The following CTCF variants were observed in gnomAD, a reference collection of about 807,000 sequenced individuals.
CTCF encodes CCCTC-binding factor.
In CTCF, 7 loss-of-function variants were observed where a neutral mutation model predicts 72.3. That is an observed-to-expected ratio of 0.10 (90% confidence interval 0.06 to 0.18). The LOEUF (loss-of-function observed/expected upper bound fraction) is 0.18. Ranked by LOEUF, CTCF falls within the 10% of genes least tolerant of loss-of-function variation. The pLI, the probability that CTCF is intolerant of heterozygous loss-of-function variation, is 1.00. For synonymous variants in CTCF, 374 were observed against 315.8 expected (o/e 1.18, Z -1.95); for missense variants, 516 against 949.1 (o/e 0.54, Z 6.00).
At chr16:67,621,412 T>A (rs1264066930) in intron 6 of CTCF, 30 bp from the exon 7 acceptor site, 1 of 1,502,670 alleles carries the variant, frequency 6.7e-7, no homozygotes, top group African/African-American at 1.4e-5. Flanking sequence ...TTCATTTCAT[T>A]TATGTGTTCA....
At chr16:67,583,928 T>G (rs562954556) in intron 2 of CTCF, among the ~76,000 whole-genome samples, 8 of 152,180 alleles carry the variant, frequency 5.3e-5, no homozygotes, top group Non-Finnish European at 1.2e-4. Context: ...TAGAGTGGTG[T>G]GCATTAGCGA....
chr16:67,606,057 G>C (rs1314997949), intron 2 of CTCF, among the ~76,000 whole-genome samples: 1 of 152,166 alleles, frequency 6.6e-6, no homozygotes, highest in Admixed American at 6.6e-5. Flanking sequence ...TTACTTCTCT[G>C]CCCAGAAAGC....
Position 67,628,236 on chromosome 16 carries a change from T to C in CTCF, c.1519-134T>C, listed in dbSNP as rs2052317301. On this transcript the variant is annotated intron_variant, in intron 8 of 11. Coordinates refer to ENST00000264010, the MANE Select transcript of CTCF (RefSeq NM_006565.4). ...CCCTGTCTCTAAATATATAGCTTTA[T>C]CATCTCAACAAGCCGTGTGGAGTCT... 6 of 719,918 alleles carry C rather than the reference T, an allele frequency of 8.3e-6. No homozygotes were observed. In the South Asian group the frequency reaches 9.5e-5, roughly 11 times the overall value. 44.6% of individuals were successfully genotyped at this position (719,918 alleles called of 1,614,324 possible). A position where few individuals can be genotyped will look rare whatever the true frequency, so the allele number is the denominator to read the frequency against.
chr16:67,581,822 T>G (rs2051586864), intron 2 of CTCF, among the ~76,000 whole-genome samples: 1 of 152,130 alleles, frequency 6.6e-6, no homozygotes, highest in African/African-American at 2.4e-5. Flanking sequence ...GTGTTTTTAG[T>G]GGAGACAGCG....
At chr16:67,578,283 A>C (rs1165408459) in intron 2 of CTCF, among the ~76,000 whole-genome samples, 1 of 151,728 alleles carries the variant, frequency 6.6e-6, no homozygotes, top group African/African-American at 2.4e-5. Flanking sequence ...GTATCCATCC[A>C]AAGAAAATTC....
At chr16:67,579,535 T>G (rs2051551431) in intron 2 of CTCF, among the ~76,000 whole-genome samples, 1 of 151,934 alleles carries the variant, frequency 6.6e-6, no homozygotes, top group East Asian at 2.0e-4. Flanking sequence ...ATTTTTGTAT[T>G]TTTAGTAGAT....
In CTCF at chr16:67,636,788, C is replaced by G; in HGVS notation, c.1936C>G (p.Pro646Ala). The G allele has an allele frequency of 6.2e-7, 1 of 1,603,442 alleles. No homozygotes were observed. The highest frequency in any genetic ancestry group is 1.7e-5 in the Admixed American group (1 of 58,704). ...GCCTCAGCCTGTGACCCCAGCCCCA[C>G]CACCCGCCAAGAAGCGGAGAGGACG... Reference protein sequence around the residue: ...PEPQPVTPAPPPAKKRRGRPP... With the variant: ...PEPQPVTPAPAPAKKRRGRPP... Residue 646 changes from proline (P) to alanine (A), a missense_variant, in exon 11 of 12, where the codon CCA becomes GCA. Transcript: ENST00000264010.
intron 2 of CTCF, among the ~76,000 whole-genome samples, chr16:67,604,580 A>T (rs2051944197): frequency 6.6e-6 from 1 of 152,098 alleles, no homozygotes. Context: ...TGACCTCATG[A>T]TCCACCTGCC....
chr16:67,605,834 G>T (rs759203168), intron 2 of CTCF, among the ~76,000 whole-genome samples: 1 of 152,196 alleles, frequency 6.6e-6, no homozygotes, highest in African/African-American at 2.4e-5. Context: ...ACAGGGAGAT[G>T]ACAGTAGGAA....
chr16:67,582,686 CTG>C (rs1298461339), intron 2 of CTCF, among the ~76,000 whole-genome samples: 2 of 151,966 alleles, frequency 1.3e-5, no homozygotes, highest in Non-Finnish European at 2.9e-5. Flanking sequence ...GAGTGAGACT[CTG>C]TGTCAAAAAA....
intron 5 of CTCF, 31 bp from the exon 6 acceptor site, chr16:67,620,666 A>AAT: frequency 6.6e-7 from 1 of 1,522,398 alleles, no homozygotes; most frequent in Non-Finnish European, 9.0e-7. Context: ...GTGTTAACAG[A>AAT]AGTTAAAGTT....
chr16:67,612,267 A>G, intron 4 of CTCF, 146 bp downstream of exon 4: 1 of 690,758 alleles, frequency 1.4e-6, no homozygotes, highest in Non-Finnish European at 2.3e-6. Flanking sequence ...TTTTATTGTA[A>G]GCACTTGGAC....
intron 2 of CTCF, among the ~76,000 whole-genome samples, chr16:67,590,954 C>G (rs1315830968): frequency 9.3e-6 from 1 of 107,688 alleles, no homozygotes; most frequent in Non-Finnish European, 1.8e-5. Flanking sequence ...GAGTGAGACT[C>G]TGTCTCAAAA....
At chr16:67,623,525 C>G (rs1024916534) in intron 7 of CTCF, 5 of 151,982 alleles carry the variant, frequency 3.3e-5, no homozygotes, top group Non-Finnish European at 7.3e-5. Flanking sequence ...GTTCCAGCTA[C>G]TCAGGAGGCT....
intron 10 of CTCF, among the ~76,000 whole-genome samples, 174 bp from the exon 11 acceptor site, chr16:67,636,516 C>G (rs1227385464): frequency 6.8e-6 from 1 of 147,906 alleles, no homozygotes; most frequent in Non-Finnish European, 1.5e-5. Flanking sequence ...CCACTGCACT[C>G]CAGCCTGGGC....
At chr16:67,572,870 G>A (rs1030259791) in intron 2 of CTCF, among the ~76,000 whole-genome samples, 1 of 150,154 alleles carries the variant, frequency 6.7e-6, no homozygotes, top group Non-Finnish European at 1.5e-5. Context: ...AACCTGGGAA[G>A]CAGAGGTTGC....
rs527503274 is a variant in CTCF at position 67,578,038 on chromosome 16, A to G, written c.-10+6774A>G. ...GTTTTCCCAGAGCTGAAGACTATTA[A>G]TAGTCTGGTGTGTTGACTTTGCACT... On this transcript the variant is annotated intron_variant, in intron 2 of 11. Transcript: ENST00000264010. 3.9e-5 allele frequency among the ~76,000 whole-genome samples: 6 copies of G among 152,318 alleles called. No homozygotes were observed. In the South Asian group the frequency reaches 1.2e-3, roughly 32 times the overall value.
intron 2 of CTCF, among the ~76,000 whole-genome samples, chr16:67,582,431 G>T (rs1044102975): frequency 1.1e-4 from 16 of 152,044 alleles, no homozygotes; most frequent in Non-Finnish European, 8.8e-5. Flanking sequence ...GGTGGCTCAT[G>T]CCTGTAATCC....
chr16:67,570,822 T>C (rs529783500), intron 1 of CTCF: 2 of 150,434 alleles, frequency 1.3e-5, no homozygotes, highest in African/African-American at 4.9e-5. Context: ...CTCAGCTCAG[T>C]ACAGCCTCAA....
Sources: allele counts gnomAD v4.1 joint callset (sites outside exome capture counted in the v4.1 genomes callset), GRCh38; gene constraint gnomAD v4.1.1; transcripts MANE v1.5; gene names NCBI Gene and HGNC (gene_info 2026-07-23, HGNC 2026-07-21).